Variants in WLS observed in about 807,000 individuals in gnomAD.
WLS encodes the protein Wnt ligand secretion mediator, also known as protein wntless homolog.
WLS carries 23 observed loss-of-function variants against 62.8 expected under a neutral mutation model. That is an observed-to-expected ratio of 0.37 (90% confidence interval 0.26 to 0.52). The LOEUF (loss-of-function observed/expected upper bound fraction) is 0.52. Among genes scored for constraint, WLS ranks in the 20% least tolerant of loss-of-function variants. The pLI is 0.92. For missense variants in WLS, 615 were observed against 697.3 expected, an observed-to-expected ratio of 0.88 and a Z score of 1.33; for synonymous variants, 246 against 244.1, an observed-to-expected ratio of 1.01 and a Z score of -0.07.
rs772102934 is a variant in WLS at position 68,148,549 on chromosome 1, A to C, written c.1070+14T>G. 1.9e-6 allele frequency: 3 copies of C among 1,613,280 alleles called. No individual in the cohort carries two copies. The highest frequency in any genetic ancestry group is 1.7e-6 in the Non-Finnish European group (2 of 1,179,626). Reference sequence around the variant, plus strand: ...TGCACAGTTTGGCTCAGTGTCCCACAAACACTTGCTCACCTCTCACACATG... The same window carrying C: ...TGCACAGTTTGGCTCAGTGTCCCACCAACACTTGCTCACCTCTCACACATG... On this transcript the variant is annotated intron_variant, in intron 7 of 11. Coordinates refer to ENST00000262348, the MANE Select transcript of WLS (RefSeq NM_024911.7).
chr1:68,148,034 C>A, intron 8 of WLS, 102 bp downstream of exon 8: 1 of 1,220,210 alleles, frequency 8.2e-7, no homozygotes, highest in South Asian at 1.3e-5. Flanking sequence ...AAAGCCCTGG[C>A]TGAGTACATA....
At chr1:68,231,945 G>GC (rs1167464879) in intron 1 of WLS, 6 of 355,574 alleles carry the variant, frequency 1.7e-5, no homozygotes, top group Non-Finnish European at 3.2e-5. Flanking sequence ...CACCCCCGCC[G>GC]CCCCCCTCTT....
chr1:68,105,501 G>A (rs1490346292), intron 11 of WLS, among the ~76,000 whole-genome samples: 2 of 152,030 alleles, frequency 1.3e-5, no homozygotes, highest in African/African-American at 4.8e-5. Context: ...AGAAAGAAAT[G>A]GTTTTGAGTA....
intron 4 of WLS, among the ~76,000 whole-genome samples, chr1:68,153,930 C>A (rs144664124): frequency 6.6e-6 from 1 of 152,230 alleles, no homozygotes; most frequent in Non-Finnish European, 1.5e-5. Flanking sequence ...GTTCTGGGGT[C>A]TGAAAGAAGA....
chr1:68,187,068 C>T (rs566515254), intron 2 of WLS, among the ~76,000 whole-genome samples: 110 of 151,230 alleles, frequency 7.3e-4, no homozygotes, highest in African/African-American at 2.4e-3. Flanking sequence ...AAAAATTAGC[C>T]GGGCGTGGTG....
chr1:68,152,337 ACCC>A (rs1290379181), intron 5 of WLS, among the ~76,000 whole-genome samples: 1 of 136,476 alleles, frequency 7.3e-6, no homozygotes, highest in Non-Finnish European at 1.6e-5. Context: ...GGTGAAATCA[ACCC>A]CCCTAGGGAA....
intron 2 of WLS, among the ~76,000 whole-genome samples, chr1:68,193,443 C>T (rs200617139): frequency 9.1e-5 from 3 of 33,016 alleles, no homozygotes; most frequent in African/African-American, 1.1e-4. Flanking sequence ...AAAAAAAAAA[C>T]GAAAAAAAAA....
chr1:68,131,215 T>TG (rs995170848), intron 11 of WLS, among the ~76,000 whole-genome samples: 4 of 151,386 alleles, frequency 2.6e-5, no homozygotes, highest in Admixed American at 2.6e-4. Flanking sequence ...CTGGCCTTTT[T>TG]TTTTTTTCCA....
At chr1:68,197,843 A>C (rs904442856) in intron 1 of WLS, among the ~76,000 whole-genome samples, 2 of 152,308 alleles carry the variant, frequency 1.3e-5, no homozygotes, top group Non-Finnish European at 2.9e-5. Flanking sequence ...GTGTGGGATT[A>C]AGAGAAAAGA....
chr1:68,111,670 AC>A (rs1646230646), intron 11 of WLS, among the ~76,000 whole-genome samples: 1 of 152,140 alleles, frequency 6.6e-6, no homozygotes, highest in South Asian at 2.1e-4. Context: ...CTCTACACAT[AC>A]ATGATGTTTG....
At chr1:68,221,910 C>T (rs1649956892) in intron 1 of WLS, among the ~76,000 whole-genome samples, 1 of 152,122 alleles carries the variant, frequency 6.6e-6, no homozygotes, top group African/African-American at 2.4e-5. Flanking sequence ...ACATTGTAAG[C>T]CTTATTTTGG....
At chr1:68,210,014 A>C (rs1459833514) in intron 1 of WLS, among the ~76,000 whole-genome samples, 1 of 152,218 alleles carries the variant, frequency 6.6e-6, no homozygotes, top group Admixed American at 6.5e-5. Context: ...CCAAAGTTAC[A>C]TGAGTTCAAA....
chr1:68,203,515 G>A (rs1394305147), intron 1 of WLS, among the ~76,000 whole-genome samples: 2 of 152,168 alleles, frequency 1.3e-5, no homozygotes, highest in Non-Finnish European at 2.9e-5. Flanking sequence ...TACAGTCAGG[G>A]ACAGAGTACC....
At chr1:68,175,019 T>C (rs1308525179) in intron 2 of WLS, among the ~76,000 whole-genome samples, 2 of 152,206 alleles carry the variant, frequency 1.3e-5, no homozygotes, top group East Asian at 3.8e-4. Flanking sequence ...GAGCTTTATG[T>C]CCTGTAGGTG....
At chr1:68,167,616 G>A (rs1647079249) in intron 2 of WLS, among the ~76,000 whole-genome samples, 1 of 152,132 alleles carries the variant, frequency 6.6e-6, no homozygotes, top group South Asian at 2.1e-4. Context: ...TCAGTTTCAT[G>A]GGGGTACAGT....
intron 1 of WLS, among the ~76,000 whole-genome samples, chr1:68,208,361 G>T (rs766688712): frequency 1.9e-4 from 29 of 151,436 alleles, no homozygotes; most frequent in Non-Finnish European, 3.7e-4. Context: ...CCTGCCCCCC[G>T]ATGAGGATTC....
chr1:68,170,383 G>T (rs1031982600), intron 2 of WLS, among the ~76,000 whole-genome samples: 3 of 151,778 alleles, frequency 2.0e-5, no homozygotes, highest in Non-Finnish European at 4.4e-5. Context: ...GGTCAGGCTG[G>T]TCTTGAACTC....
At chr1:68,136,213 C>A (rs1183542009) in intron 11 of WLS, among the ~76,000 whole-genome samples, 1 of 152,132 alleles carries the variant, frequency 6.6e-6, no homozygotes, top group African/African-American at 2.4e-5. Context: ...GTAACTACCC[C>A]CCTCCCTTCT....
chr1:68,198,997 A>G (rs574368842), intron 1 of WLS, among the ~76,000 whole-genome samples: 1 of 152,212 alleles, frequency 6.6e-6, no homozygotes, highest in East Asian at 1.9e-4. Flanking sequence ...AGCATTTATC[A>G]TGCTTAAAAT....
Sources: allele counts gnomAD v4.1 joint callset (sites outside exome capture counted in the v4.1 genomes callset), GRCh38; gene constraint gnomAD v4.1.1; transcripts MANE v1.5; gene names NCBI Gene and HGNC (gene_info 2026-07-23, HGNC 2026-07-21).